Variants in NRXN2 observed in about 807,000 individuals in gnomAD.
The protein encoded by NRXN2 is neurexin 2, also known as neurexin-2-beta.
In NRXN2, 29 loss-of-function variants were observed where a neutral mutation model predicts 128.8. The observed-to-expected ratio is 0.23, with a 90% CI of 0.17 to 0.31. The LOEUF is 0.31. NRXN2 is among the 10% of genes least tolerant of loss of function. NRXN2 has a pLI of 1.00. For synonymous variants in NRXN2, 1,098 were observed against 1,075.2 expected, an observed-to-expected ratio of 1.02 and a Z score of -0.41; for missense variants, 1,881 against 2,452.6, an observed-to-expected ratio of 0.77 and a Z score of 4.92.
In NRXN2 at chr11:64,651,921, G is replaced by A. The variant is rs573974222; in HGVS notation, c.2536+114C>T. Reference sequence around the variant, plus strand: ...CCCTGAAGGAGAAATGGCAGAGGCAGCTTGCCAGAACACTGCCCTAGGAAT... The same window carrying A: ...CCCTGAAGGAGAAATGGCAGAGGCAACTTGCCAGAACACTGCCCTAGGAAT... On this transcript the variant is annotated intron_variant, in intron 13 of 22. Transcript: ENST00000265459. This position sits in a 1 kb window ranked among gnomAD's most constrained non-coding sequence, Gnocchi z 5.9. 2.6e-6 allele frequency: 4 copies of A among 1,514,216 alleles called. No individual in the cohort carries two copies. The highest frequency in any genetic ancestry group is 2.2e-5 in the East Asian group (1 of 44,450). The allele number at this position is 1,514,216 out of a possible 1,614,324, so 93.8% of individuals were successfully genotyped here.
intron 1 of NRXN2, among the ~76,000 whole-genome samples, chr11:64,717,734 A>T (rs574124449): frequency 6.6e-6 from 1 of 152,194 alleles, no homozygotes; most frequent in East Asian, 1.9e-4. Flanking sequence ...TGTCTTAGTC[A>T]ATCCTTCGGC....
Position 64,723,091 on chromosome 11 carries a change from C to A in NRXN2, c.-365G>T. ...GCCGCCTCGCGCCTCTCTCCCTCCCCGCCGCGTCCCCGCCCGCCCGCCCGC... is the reference window on the plus strand; with the variant it reads ...GCCGCCTCGCGCCTCTCTCCCTCCCAGCCGCGTCCCCGCCCGCCCGCCCGC... On this transcript the variant is annotated 5_prime_UTR_variant, in exon 1 of 23. Transcript: ENST00000265459. 6.6e-6 allele frequency: 1 copy of A among 151,380 alleles called. No individual in the cohort carries two copies. The highest frequency in any genetic ancestry group is 1.8e-4 in the South Asian group (1 of 5,488). The allele number at this position is 151,380 out of a possible 1,614,324, so 9.4% of individuals were successfully genotyped here. A position where few individuals can be genotyped will look rare whatever the true frequency, so the allele number is the denominator to read the frequency against.
rs1453393878 is a variant in NRXN2 at position 64,685,751 on chromosome 11, G to A, written c.1047C>T (p.Val349=). The change falls in exon 6 of 23, where the codon GTC becomes GTT. Residue 349 remains valine, a synonymous_variant. Coordinates refer to ENST00000265459, the MANE Select transcript of NRXN2 (RefSeq NM_015080.4). ...CGAAGGCACCTGAGCCTAGGTTGATGACCAGCCAGACAGCCCCAGACTTGA... is the reference window on the plus strand; with the variant it reads ...CGAAGGCACCTGAGCCTAGGTTGATAACCAGCCAGACAGCCCCAGACTTGA... ...LSLKSGAVWL[V]INLGSGAFEA... The A allele has an allele frequency of 7.4e-6, 12 of 1,614,106 alleles. No homozygotes were observed. The highest frequency in any genetic ancestry group is 9.3e-6 in the Non-Finnish European group (11 of 1,180,046).
In NRXN2 at chr11:64,635,194, T is replaced by G; in HGVS notation, c.3585+77A>C. On this transcript the variant is annotated intron_variant, in intron 18 of 22. Transcript: ENST00000265459. The surrounding 1 kb of genome is among the most constrained non-coding windows in gnomAD (Gnocchi z 4.8). Reference sequence around the variant, plus strand: ...CATGAGGGAAGACTTGAGGTGCTGATCCCATGGCAATGAGGGGCTGAACTG... The same window carrying G: ...CATGAGGGAAGACTTGAGGTGCTGAGCCCATGGCAATGAGGGGCTGAACTG... 1 of 1,523,778 alleles carries G rather than the reference T, an allele frequency of 6.6e-7. No homozygotes were observed. The highest frequency in any genetic ancestry group is 9.1e-7 in the Non-Finnish European group (1 of 1,100,992). 94.4% of individuals were successfully genotyped at this position (1,523,778 alleles called of 1,614,324 possible).
intron 17 of NRXN2, among the ~76,000 whole-genome samples, chr11:64,640,283 C>T (rs2045467057): frequency 6.6e-6 from 1 of 152,210 alleles, no homozygotes; most frequent in African/African-American, 2.4e-5. Flanking sequence ...CGGAATCTTC[C>T]TTGGGCACTC....
At chr11:64,688,529 G>C (rs1592128879) in intron 5 of NRXN2, 1 of 985,398 alleles carries the variant, frequency 1.0e-6, no homozygotes, top group East Asian at 1.1e-4. Flanking sequence ...GGGCTCAGCA[G>C]AGCACAAACA....
At chr11:64,721,029 A>C (rs183241608) in intron 1 of NRXN2, among the ~76,000 whole-genome samples, 1 of 151,902 alleles carries the variant, frequency 6.6e-6, no homozygotes, top group African/African-American at 2.4e-5. Context: ...TGTTGTGTAC[A>C]TGGCAGCAAG....
At chr11:64,672,884 A>G (rs2050812489) in intron 7 of NRXN2, among the ~76,000 whole-genome samples, 1 of 152,180 alleles carries the variant, frequency 6.6e-6, no homozygotes. Context: ...ATGAATCCTG[A>G]GGTCTGGATT....
At chr11:64,666,881 G>GGT (rs1028678955) in intron 9 of NRXN2, among the ~76,000 whole-genome samples, 7 of 152,006 alleles carry the variant, frequency 4.6e-5, no homozygotes, top group Non-Finnish European at 7.4e-5. Context: ...TATTCTTAAA[G>GGT]GTGAATGGGG....
At position 64,660,505 on chromosome 11, in the gene NRXN2, A is replaced by G. The variant is rs1381685841; in HGVS notation, c.2216T>C (p.Met739Thr). 6.2e-7 allele frequency: 1 copy of G among 1,614,112 alleles called. No homozygotes were observed. Among genetic ancestry groups the G allele is most frequent in the African/African-American group, 1.3e-5 (1 of 74,932 alleles). The change falls in exon 11 of 23, where the codon ATG becomes ACG. Residue 739 changes from methionine (M) to threonine (T), a missense_variant. Transcript: ENST00000265459. This position sits in a 1 kb window ranked among gnomAD's most constrained non-coding sequence, Gnocchi z 5.2. ...EATVLSYDGS[M>T]YMKIMLPNAM... Reference sequence around the variant, plus strand: ...GTTAGGCAGCATGATCTTCATGTACATGGAGCCATCGTAGCTCAGGACCGT... The same window carrying G: ...GTTAGGCAGCATGATCTTCATGTACGTGGAGCCATCGTAGCTCAGGACCGT...
chr11:64,608,465 T>A (rs111760785), intron 22 of NRXN2, among the ~76,000 whole-genome samples: 1 of 151,002 alleles, frequency 6.6e-6, no homozygotes, highest in Non-Finnish European at 1.5e-5. Context: ...TCTTTTAGGG[T>A]TTTTTTTCTA....
At chr11:64,711,799 G>A (rs2056920470) in intron 2 of NRXN2, among the ~76,000 whole-genome samples, 1 of 152,086 alleles carries the variant, frequency 6.6e-6, no homozygotes, top group East Asian at 1.9e-4. Flanking sequence ...TCCACTCCTC[G>A]TCAAGAGCCT....
Position 64,690,410 on chromosome 11 carries a change from G to C in NRXN2, c.845C>G (p.Thr282Arg). The C allele has an allele frequency of 6.2e-7, 1 of 1,612,720 alleles. No individual in the cohort carries two copies. Among genetic ancestry groups the C allele is most frequent in the Non-Finnish European group, 8.5e-7 (1 of 1,179,626 alleles). ...RGGAGDVHQP[T>R]KGKEEFVATF... is the part of the protein sequence containing the mutation. ...GGACCATGGGGGTCACTGACCTTTT[G>C]TTGGCTGGTGCACATCGCCGGCTCC... is the stretch of plus-strand genomic sequence containing the variant. Residue 282 changes from threonine to arginine, a missense_variant, in exon 5 of 23, where the codon ACA becomes AGA. This residue lies in a region of NRXN2 where 997 missense variants were observed against 1,240.8 expected (regional missense o/e 0.80). Transcript: ENST00000265459.
At chr11:64,646,182 C>A (rs984865919) in intron 17 of NRXN2, among the ~76,000 whole-genome samples, 5 of 152,286 alleles carry the variant, frequency 3.3e-5, no homozygotes, top group Middle Eastern at 3.4e-3. Context: ...GTTGCACCCA[C>A]CTTGTCTTAG....
intron 3 of NRXN2, among the ~76,000 whole-genome samples, chr11:64,695,308 G>A (rs1310637977): frequency 2.0e-5 from 3 of 152,120 alleles, no homozygotes; most frequent in Non-Finnish European, 4.4e-5. Context: ...CACTTTATCT[G>A]GCTACTTCTG....
At chr11:64,692,795 G>T (rs1457600065) in intron 4 of NRXN2, 52 bp downstream of exon 4, 9 of 1,610,256 alleles carry the variant, frequency 5.6e-6, no homozygotes, top group African/African-American at 1.3e-5. Flanking sequence ...GAAAATCCAG[G>T]CGCAGGTTGG....
At chr11:64,618,483 G>A (rs1419201231) in intron 22 of NRXN2, among the ~76,000 whole-genome samples, 4 of 152,112 alleles carry the variant, frequency 2.6e-5, no homozygotes, top group South Asian at 4.1e-4. Flanking sequence ...CCAGAGCCCC[G>A]TCCCAGAGCT....
intron 6 of NRXN2, 99 bp downstream of exon 6, chr11:64,685,547 C>T: frequency 6.7e-7 from 1 of 1,495,072 alleles, no homozygotes; most frequent in South Asian, 1.1e-5. Context: ...CACTGCCCAG[C>T]CCTGATCCCT....
chr11:64,692,860 C>T lies in NRXN2; in HGVS notation c.765G>A (p.Thr255=), dbSNP rs756053592. ...TTCAAACCATACCTTCGCTGTTTAACGTCAGGTGAGCCGGACCTTGGAAAG... is the reference window on the plus strand; with the variant it reads ...TTCAAACCATACCTTCGCTGTTTAATGTCAGGTGAGCCGGACCTTGGAAAG... The part of the protein sequence containing the change: ...EHPMEGPAHL[T]LNSEVGSLLF... The change falls in exon 4 of 23, where the codon ACG becomes ACA. Residue 255 remains threonine, a synonymous_variant. Transcript: ENST00000265459. 7.4e-6 allele frequency: 12 copies of T among 1,611,346 alleles called. No homozygotes were observed. The highest frequency in any genetic ancestry group is 2.2e-5 in the East Asian group (1 of 44,770).
Sources: allele counts gnomAD v4.1 joint callset (sites outside exome capture counted in the v4.1 genomes callset), GRCh38; gene constraint gnomAD v4.1.1; regional missense constraint gnomAD v4.1.1; non-coding constraint Gnocchi (gnomAD v3.1); transcripts MANE v1.5; gene names NCBI Gene and HGNC (gene_info 2026-07-23, HGNC 2026-07-21).